SNX10: variants seen among roughly 807,000 people sequenced by gnomAD.
The protein encoded by SNX10 is sorting nexin 10.
Under a neutral mutation model 28.5 loss-of-function variants are expected in SNX10, and 25 were observed. The observed-to-expected ratio is 0.88, with a 90% CI of 0.64 to 1.22. SNX10 has a LOEUF of 1.22. SNX10 is among the 50% of genes most tolerant of loss of function. The pLI, the probability that SNX10 is intolerant of heterozygous loss-of-function variation, is 0.00. For synonymous variants in SNX10, 62 were observed against 81.4 expected, an observed-to-expected ratio of 0.76 and a Z score of 1.28; for missense variants, 223 against 242.6, an observed-to-expected ratio of 0.92 and a Z score of 0.54.
At chr7:26,305,846 A>T (rs1159654702) in intron 1 of SNX10, among the ~76,000 whole-genome samples, 1 of 152,188 alleles carries the variant, frequency 6.6e-6, no homozygotes, top group Non-Finnish European at 1.5e-5. Context: ...AGCAAGTAAG[A>T]GTTTAAGAAT....
intron 3 of SNX10, among the ~76,000 whole-genome samples, chr7:26,363,992 G>C (rs1339872808): frequency 6.6e-6 from 1 of 152,250 alleles, no homozygotes; most frequent in African/African-American, 2.4e-5. Flanking sequence ...TGGCTCGGAC[G>C]GACACGCTCC....
chr7:26,302,657 C>T (rs969139646), intron 1 of SNX10, among the ~76,000 whole-genome samples: 1 of 152,196 alleles, frequency 6.6e-6, no homozygotes, highest in African/African-American at 2.4e-5. Flanking sequence ...GGTGCACCCT[C>T]GGTTTCTGGT....
intron 1 of SNX10, among the ~76,000 whole-genome samples, chr7:26,300,009 A>C (rs1297066683): frequency 1.3e-5 from 2 of 151,992 alleles, no homozygotes; most frequent in Non-Finnish European, 2.9e-5. Flanking sequence ...TCAGGAGTTC[A>C]AGACCAGGCT....
At chr7:26,303,703 A>G (rs1010312122) in intron 1 of SNX10, among the ~76,000 whole-genome samples, 4 of 152,066 alleles carry the variant, frequency 2.6e-5, no homozygotes, top group South Asian at 2.1e-4. Context: ...ATTTCTGTGC[A>G]TAGGAATTAT....
intron 1 of SNX10, among the ~76,000 whole-genome samples, chr7:26,334,942 G>A (rs780513854): frequency 1.2e-4 from 19 of 152,166 alleles, no homozygotes; most frequent in Admixed American, 7.2e-4. Flanking sequence ...CCCCAAAAGC[G>A]TACGGCTGCC....
rs568146457 is a variant in SNX10 at position 26,317,699 on chromosome 7, G to A, written c.-24+25613G>A. 2.5e-4 allele frequency among the ~76,000 whole-genome samples: 31 copies of A among 123,430 alleles called. No homozygotes were observed. The East Asian group carries it at 7.5e-3, about 30-fold the overall frequency. 81.0% of individuals were successfully genotyped at this position (123,430 alleles called of 152,430 possible). On this transcript the variant is annotated intron_variant, in intron 1 of 6. Transcript: ENST00000338523. ...TTTTTTTGAGACAGAGTCTCACTCT[G>A]TTGCCCAGGCTGGAGTGCAGTGGCA... is the stretch of plus-strand genomic sequence containing the variant.
chr7:26,315,106 T>A (rs1787023557), intron 1 of SNX10, among the ~76,000 whole-genome samples: 1 of 151,886 alleles, frequency 6.6e-6, no homozygotes, highest in Admixed American at 6.6e-5. Context: ...CCAAAATGAA[T>A]CAGAAAAGCA....
intron 1 of SNX10, among the ~76,000 whole-genome samples, chr7:26,339,398 T>A (rs1788083386): frequency 6.6e-6 from 1 of 152,170 alleles, no homozygotes; most frequent in African/African-American, 2.4e-5. Flanking sequence ...GCATATTTTT[T>A]AAATCGGATT....
chr7:26,300,201 ACT>A (rs1282946800), intron 1 of SNX10, among the ~76,000 whole-genome samples: 1 of 152,010 alleles, frequency 6.6e-6, no homozygotes, highest in Non-Finnish European at 1.5e-5. Flanking sequence ...ACAGAGCGAG[ACT>A]CTGTCTCAAA....
intron 3 of SNX10, among the ~76,000 whole-genome samples, chr7:26,363,154 T>A (rs1398236853): frequency 6.6e-6 from 1 of 152,134 alleles, no homozygotes. Context: ...GTGTTATAAG[T>A]CCACCCACAG....
intron 2 of SNX10, among the ~76,000 whole-genome samples, chr7:26,360,272 A>G (rs1230937139): frequency 2.0e-5 from 3 of 151,918 alleles, no homozygotes; most frequent in African/African-American, 7.3e-5. Context: ...TCTTCTTTTG[A>G]TACAGGGTCT....
chr7:26,370,406 C>CA (rs1789472987), intron 5 of SNX10: 2 of 152,142 alleles, frequency 1.3e-5, no homozygotes. Context: ...GGGCGGAGGA[C>CA]ACAGAGGGAA....
chr7:26,373,382 T>G lies in SNX10; in HGVS notation c.*810T>G, dbSNP rs1789651927. On this transcript the variant is annotated 3_prime_UTR_variant, in exon 7 of 7. Coordinates refer to ENST00000338523, the MANE Select transcript of SNX10 (RefSeq NM_013322.3). This position sits in a 1 kb window ranked among gnomAD's most constrained non-coding sequence, Gnocchi z 4.2. ...GACTAAATGTGCAATTTCTTATCAC[T>G]AGATAACTTTCAGTATCAGTGGTGG... 6.6e-6 allele frequency: 1 copy of G among 152,100 alleles called. No individual in the cohort carries two copies. The highest frequency in any genetic ancestry group is 2.4e-5 in the African/African-American group (1 of 41,466). The allele number at this position is 152,100 out of a possible 1,614,324, so 9.4% of individuals were successfully genotyped here. A position where few individuals can be genotyped will look rare whatever the true frequency, so the allele number is the denominator to read the frequency against.
chr7:26,306,943 A>C (rs1289356955), intron 1 of SNX10, among the ~76,000 whole-genome samples: 1 of 152,192 alleles, frequency 6.6e-6, no homozygotes, highest in Non-Finnish European at 1.5e-5. Flanking sequence ...GGGAAAGGGC[A>C]GAATGTGAAT....
At chr7:26,297,724 G>A (rs941354357) in intron 1 of SNX10, among the ~76,000 whole-genome samples, 4 of 152,026 alleles carry the variant, frequency 2.6e-5, no homozygotes, top group African/African-American at 9.7e-5. Flanking sequence ...TTAGTTATAA[G>A]TAATATTTTT....
rs533460935 is a variant in SNX10 at position 26,320,474 on chromosome 7, C to T, written c.-23-25946C>T. 1.5e-4 allele frequency among the ~76,000 whole-genome samples: 23 copies of T among 151,914 alleles called. No homozygotes were observed. The East Asian group carries it at 2.1e-3, about 14-fold the overall frequency. ...TGAGATGGAGTCTCACTCTGTTGCC[C>T]GGGCTGGAGTGCAGTGGTGCGATCT... On this transcript the variant is annotated intron_variant, in intron 1 of 6. Transcript: ENST00000338523.
chr7:26,349,823 T>C (rs566177658), intron 2 of SNX10, among the ~76,000 whole-genome samples: 1 of 152,242 alleles, frequency 6.6e-6, no homozygotes, highest in Non-Finnish European at 1.5e-5. Flanking sequence ...GTTTGATTTT[T>C]CTACACTACT....
intron 2 of SNX10, among the ~76,000 whole-genome samples, chr7:26,353,190 C>T (rs1029278849): frequency 2.0e-5 from 3 of 152,132 alleles, no homozygotes; most frequent in Non-Finnish European, 4.4e-5. Flanking sequence ...TCAGTACCAC[C>T]AGAGGATGGT....
At chr7:26,358,824 T>TTTTTTTTTTTTTTTG (rs60519078) in intron 2 of SNX10, among the ~76,000 whole-genome samples, 1 of 148,850 alleles carries the variant, frequency 6.7e-6, no homozygotes, top group African/African-American at 2.5e-5. Flanking sequence ...TTTTTTTTTT[T>TTTTTTTTTTTTTTTG]GACCAAGTCT....
Sources: gnomAD v4.1 joint callset for allele counts (sites outside exome capture counted in the v4.1 genomes callset) on GRCh38, gnomAD v4.1.1 for gene constraint, Gnocchi (gnomAD v3.1) non-coding constraint, MANE v1.5 for transcripts, NCBI Gene and HGNC (gene_info 2026-07-23, HGNC 2026-07-21) for gene names.